The following SNTG1 variants were observed in gnomAD, a reference collection of about 807,000 sequenced individuals.
The protein encoded by SNTG1 is gamma-1-syntrophin.
SNTG1 carries 39 observed loss-of-function variants against 74.7 expected under a neutral mutation model. That is an observed-to-expected ratio of 0.52 (90% CI 0.40 to 0.68). The LOEUF (loss-of-function observed/expected upper bound fraction) is 0.68, where lower values mean the gene tolerates loss of function less well. SNTG1 is among the 30% of genes least tolerant of loss of function. The pLI is 0.00. For synonymous variants in SNTG1, 254 were observed against 217.1 expected (o/e 1.17, Z -1.49); for missense variants, 685 against 609.5 (o/e 1.12, Z -1.30).
intron 13 of SNTG1, among the ~76,000 whole-genome samples, chr8:50,644,893 A>G (rs2095097431): frequency 1.3e-5 from 2 of 150,860 alleles, no homozygotes; most frequent in Non-Finnish European, 1.5e-5. Context: ...GTTGTGGCCT[A>G]AAGAAACACT....
chr8:50,262,239 T>C (rs532776599), intron 2 of SNTG1, among the ~76,000 whole-genome samples: 2 of 152,270 alleles, frequency 1.3e-5, no homozygotes, highest in African/African-American at 4.8e-5. Flanking sequence ...TGAGTGACCA[T>C]ATTGAAAAGA....
At chr8:49,985,976 A>C (rs1343569560) in intron 1 of SNTG1, among the ~76,000 whole-genome samples, 1 of 150,494 alleles carries the variant, frequency 6.6e-6, no homozygotes, top group African/African-American at 2.5e-5. Flanking sequence ...TTTTATAACA[A>C]AGACCTAGTG....
At chr8:50,621,727 A>G (rs76263436) in intron 13 of SNTG1, among the ~76,000 whole-genome samples, 5,732 of 152,328 alleles carry the variant, frequency 0.038, 180 homozygotes, top group African/African-American at 0.076. Flanking sequence ...TAGGTAATTC[A>G]GTACACATAG....
At chr8:50,394,530 A>T (rs2092703506) in intron 3 of SNTG1, among the ~76,000 whole-genome samples, 1 of 152,218 alleles carries the variant, frequency 6.6e-6, no homozygotes, top group Admixed American at 6.5e-5. Context: ...AACTCTGCAC[A>T]TTTCAGGTAG....
intron 13 of SNTG1, among the ~76,000 whole-genome samples, chr8:50,627,428 C>T (rs1371297916): frequency 3.3e-5 from 5 of 152,100 alleles, no homozygotes; most frequent in African/African-American, 9.7e-5. Flanking sequence ...TATGGAGGAC[C>T]CAGCTTTCAC....
intron 9 of SNTG1, among the ~76,000 whole-genome samples, chr8:50,513,494 G>A (rs542073085): frequency 1.4e-4 from 22 of 152,338 alleles, no homozygotes; most frequent in South Asian, 2.1e-4. Context: ...CTTTTGTTTG[G>A]CTATGCCCTG....
intron 15 of SNTG1, among the ~76,000 whole-genome samples, chr8:50,671,068 T>C (rs1320944748): frequency 6.6e-6 from 1 of 151,258 alleles, no homozygotes; most frequent in East Asian, 1.9e-4. Context: ...ACTTAAATGT[T>C]AGACCTAAAA....
intron 1 of SNTG1, among the ~76,000 whole-genome samples, chr8:50,078,312 A>T (rs1302344911): frequency 6.6e-6 from 1 of 152,146 alleles, no homozygotes; most frequent in Non-Finnish European, 1.5e-5. Flanking sequence ...GATAAATGAC[A>T]GTTAGGCTTT....
intron 2 of SNTG1, among the ~76,000 whole-genome samples, chr8:50,265,724 G>A (rs1320958627): frequency 1.3e-5 from 2 of 151,448 alleles, no homozygotes; most frequent in African/African-American, 2.4e-5. Flanking sequence ...GAAAATCCTA[G>A]GATCTACAAA....
At chr8:50,746,861 A>T (rs2095556229) in intron 17 of SNTG1, among the ~76,000 whole-genome samples, 1 of 147,644 alleles carries the variant, frequency 6.8e-6, no homozygotes, top group African/African-American at 2.5e-5. Flanking sequence ...TATATTGTAA[A>T]TATATATAAT....
chr8:50,591,566 G>A (rs1267849002), intron 13 of SNTG1, among the ~76,000 whole-genome samples: 1 of 152,146 alleles, frequency 6.6e-6, no homozygotes, highest in East Asian at 1.9e-4. Flanking sequence ...TATCCTGTAA[G>A]TTTATTTTGA....
chr8:50,117,043 G>A (rs918739042), intron 1 of SNTG1, among the ~76,000 whole-genome samples: 4 of 151,928 alleles, frequency 2.6e-5, no homozygotes, highest in Non-Finnish European at 2.9e-5. Context: ...ACAACATGAC[G>A]AAGATTATAT....
intron 2 of SNTG1, among the ~76,000 whole-genome samples, chr8:50,313,772 AC>A (rs1335973675): frequency 6.7e-6 from 1 of 150,038 alleles, no homozygotes; most frequent in Non-Finnish European, 1.5e-5. Context: ...GACATAAAAA[AC>A]AATGTAAAGA....
chr8:50,778,522 T>C (rs2095648167), intron 18 of SNTG1, among the ~76,000 whole-genome samples: 1 of 152,136 alleles, frequency 6.6e-6, no homozygotes, highest in Non-Finnish European at 1.5e-5. Flanking sequence ...TGTCTGTTCA[T>C]GTCCTTCACC....
At chr8:50,307,707 C>T (rs905436973) in intron 2 of SNTG1, among the ~76,000 whole-genome samples, 1 of 152,020 alleles carries the variant, frequency 6.6e-6, no homozygotes, top group Non-Finnish European at 1.5e-5. Context: ...GCTAATGTTG[C>T]CTCTAAGTAC....
chr8:50,642,936 C>A (rs2095083251), intron 13 of SNTG1, among the ~76,000 whole-genome samples: 1 of 151,988 alleles, frequency 6.6e-6, no homozygotes, highest in African/African-American at 2.4e-5. Flanking sequence ...GAATGAATTA[C>A]TGTATTTTGG....
intron 1 of SNTG1, among the ~76,000 whole-genome samples, chr8:49,923,296 C>A (rs1478474115): frequency 1.3e-5 from 2 of 152,044 alleles, no homozygotes; most frequent in Non-Finnish European, 2.9e-5. Flanking sequence ...AAATCTTACC[C>A]AATCTTTATT....
chr8:50,011,184 ACT>A, intron 1 of SNTG1, among the ~76,000 whole-genome samples: 1 of 152,260 alleles, frequency 6.6e-6, no homozygotes, highest in East Asian at 1.9e-4. Context: ...CTTTTAAAGA[ACT>A]AGAACATGAC....
chr8:50,242,309 G>A (rs1189932801), intron 2 of SNTG1, among the ~76,000 whole-genome samples: 2 of 151,640 alleles, frequency 1.3e-5, no homozygotes, highest in Admixed American at 6.6e-5. Context: ...TGAGTGAATC[G>A]CTTGAAGTCA....
Sources: allele counts gnomAD v4.1 joint callset (sites outside exome capture counted in the v4.1 genomes callset), GRCh38; gene constraint gnomAD v4.1.1; transcripts MANE v1.5; gene names NCBI Gene and HGNC (gene_info 2026-07-23, HGNC 2026-07-21).